The following CATSPERE variants were observed in gnomAD, a reference collection of about 807,000 sequenced individuals.
CATSPERE encodes the protein cation channel sperm-associated auxiliary subunit epsilon.
In CATSPERE, 93 loss-of-function variants were observed where a neutral mutation model predicts 114.1. That is an observed-to-expected ratio of 0.81 (90% CI 0.69 to 0.97). The LOEUF (loss-of-function observed/expected upper bound fraction) is 0.97, where lower values mean the gene tolerates loss of function less well. Among genes scored for constraint, CATSPERE ranks in the 50% least tolerant of loss-of-function variants. CATSPERE has a pLI of 0.00. For synonymous variants in CATSPERE, 341 were observed against 384.1 expected (o/e 0.89, Z 1.31); for missense variants, 1,058 against 1,131.6 (o/e 0.93, Z 0.93).
At chr1:244,462,218 CAG>C (rs922565543) in intron 1 of CATSPERE, among the ~76,000 whole-genome samples, 1 of 152,176 alleles carries the variant, frequency 6.6e-6, no homozygotes, top group Non-Finnish European at 1.5e-5. Context: ...TGAGATATAA[CAG>C]TGCCCTTTTC....
At chr1:244,518,518 A>G (rs1196908312) in intron 7 of CATSPERE, 74 bp from the exon 8 acceptor site, 30 of 908,866 alleles carry the variant, frequency 3.3e-5, no homozygotes, top group Middle Eastern at 2.9e-4. Context: ...AACAAATTCA[A>G]TATATCCTGA....
Position 244,574,246 on chromosome 1 carries a change from G to A in CATSPERE, c.1950+1474G>A, listed in dbSNP as rs148517916. Among the ~76,000 whole-genome samples, 10 of 152,238 alleles carry A rather than the reference G, an allele frequency of 6.6e-5. No individual in the cohort carries two copies. The East Asian group carries it at 1.7e-3, about 26-fold the overall frequency. On this transcript the variant is annotated intron_variant, in intron 11 of 21. Transcript: ENST00000366534. The stretch of plus-strand genomic sequence containing the variant: ...TAAATAATAAAGGGGCATAGACTGC[G>A]AACTGGAACATGCCTGTGAGCACGT...
At chr1:244,480,378 G>A (rs1030005713) in intron 5 of CATSPERE, among the ~76,000 whole-genome samples, 6 of 152,128 alleles carry the variant, frequency 3.9e-5, no homozygotes, top group Admixed American at 3.3e-4. Context: ...GCACCGTGTA[G>A]GACATAAGGA....
chr1:244,629,225 A>G (rs1384662861), intron 20 of CATSPERE, among the ~76,000 whole-genome samples: 1 of 152,168 alleles, frequency 6.6e-6, no homozygotes, highest in East Asian at 1.9e-4. Flanking sequence ...TAGATCTGTT[A>G]GGTCATAAGA....
Position 244,584,489 on chromosome 1 carries a change from A to G in CATSPERE, c.2085+550A>G, listed in dbSNP as rs75407388. 9.7e-3 allele frequency among the ~76,000 whole-genome samples: 1,466 copies of G among 151,054 alleles called. 25 individuals carry two copies. The highest frequency in any genetic ancestry group is 0.035 in the African/African-American group (1,408 of 40,404). On this transcript the variant is annotated intron_variant, in intron 13 of 21. Coordinates refer to ENST00000366534, the MANE Select transcript of CATSPERE (RefSeq NM_001130957.2). ...ACATTCCAGGAAAAGGCATGGAGGG[A>G]TGAAATAGTATCAGGGTGTTCAGGT... is the stretch of plus-strand genomic sequence containing the variant.
At chr1:244,451,745 G>A (rs1665619051), upstream of CATSPERE, 1 of 1,604,290 alleles carries the variant, frequency 6.2e-7, no homozygotes, top group Non-Finnish European at 8.5e-7. This position sits in a 1 kb window ranked among gnomAD's most constrained non-coding sequence, Gnocchi z 6.6. Context: ...TTTCCTCCGG[G>A]CCGCGCCCTG....
chr1:244,494,602 TAAA>T (rs373526420), intron 6 of CATSPERE, among the ~76,000 whole-genome samples: 5 of 140,224 alleles, frequency 3.6e-5, no homozygotes, highest in African/African-American at 1.3e-4. Context: ...TAAAGTATAA[TAAA>T]AAAAAAAAGT....
At chr1:244,494,511 G>T (rs1489668612) in intron 6 of CATSPERE, among the ~76,000 whole-genome samples, 5 of 149,640 alleles carry the variant, frequency 3.3e-5, no homozygotes, top group African/African-American at 7.4e-5. Context: ...TAAATGACGA[G>T]TTAATGGGTG....
At chr1:244,550,094 GGACTGAGACTGA>G (rs1322595547) in intron 8 of CATSPERE, among the ~76,000 whole-genome samples, 1 of 152,162 alleles carries the variant, frequency 6.6e-6, no homozygotes, top group African/African-American at 2.4e-5. Context: ...TGGGGTCTCT[GGACTGAGACTGA>G]GACTTACTCT....
At chr1:244,454,279 G>A (rs1006801623), upstream of CATSPERE, 7 of 152,194 alleles carry the variant, frequency 4.6e-5, no homozygotes, top group African/African-American at 1.7e-4. Context: ...CACCTGGAGT[G>A]GATCAAAGAC....
In CATSPERE at chr1:244,573,393, A is replaced by G. The variant is rs1008953196; in HGVS notation, c.1950+621A>G. ...ACCACTGCACTCCAGCCTGGGTGAC[A>G]GAGTGAGACTCCCTCTCAAAAAACA... On this transcript the variant is annotated intron_variant, in intron 11 of 21. Transcript: ENST00000366534. The surrounding 1 kb of genome is among the most constrained non-coding windows in gnomAD (Gnocchi z 4.0). Among the ~76,000 whole-genome samples, 1 of 148,738 alleles carries G rather than the reference A, an allele frequency of 6.7e-6. No individual in the cohort carries two copies. Among genetic ancestry groups the G allele is most frequent in the Non-Finnish European group, 1.5e-5 (1 of 66,944 alleles).
At chr1:244,488,063 C>A (rs1671374092) in intron 5 of CATSPERE, among the ~76,000 whole-genome samples, 1 of 152,088 alleles carries the variant, frequency 6.6e-6, no homozygotes. Context: ...TTTCTTCTTT[C>A]TCTGTCTCTC....
Position 244,515,454 on chromosome 1 carries a change from G to A in CATSPERE, c.430-3138G>A, listed in dbSNP as rs745365477. 5 of 286,958 alleles carry A rather than the reference G, an allele frequency of 1.7e-5. No individual in the cohort carries two copies. In the East Asian group the frequency reaches 5.3e-4, roughly 30 times the overall value. The allele number at this position is 286,958 out of a possible 1,614,324, so 17.8% of individuals were successfully genotyped here. On this transcript the variant is annotated intron_variant, in intron 7 of 21. Transcript: ENST00000366534. ...TGCTTCTCAGACAACTGGAAGTCACGATTAATAATCTAATTAGATCCTCAG... is the reference window on the plus strand; with the variant it reads ...TGCTTCTCAGACAACTGGAAGTCACAATTAATAATCTAATTAGATCCTCAG...
rs1195523775 is a variant in CATSPERE, at chr1:244,621,291, C to A, written c.2648+3605C>A. 2.2e-4 allele frequency among the ~76,000 whole-genome samples: 10 copies of A among 45,144 alleles called. 1 individual carries two copies. Among genetic ancestry groups the A allele is most frequent in the Non-Finnish European group, 4.5e-4 (10 of 22,016 alleles). The allele number at this position is 45,144 out of a possible 152,430, so 29.6% of individuals were successfully genotyped here. A position where few individuals can be genotyped will look rare whatever the true frequency, so the allele number is the denominator to read the frequency against. On this transcript the variant is annotated intron_variant, in intron 20 of 21. Coordinates refer to ENST00000366534, the MANE Select transcript of CATSPERE (RefSeq NM_001130957.2). ...TATAGATATATCTATATAGATATATCTATATAAATATATAAATATATAAAA... is the reference window on the plus strand; with the variant it reads ...TATAGATATATCTATATAGATATATATATATAAATATATAAATATATAAAA...
intron 2 of CATSPERE, among the ~76,000 whole-genome samples, chr1:244,477,064 C>T (rs750005779): frequency 1.1e-4 from 16 of 152,120 alleles, no homozygotes; most frequent in South Asian, 2.1e-4. Context: ...GACGTGATGT[C>T]GGCTCACTGC....
chr1:244,514,423 T>G (rs778533355), intron 7 of CATSPERE, among the ~76,000 whole-genome samples: 25 of 152,186 alleles, frequency 1.6e-4, no homozygotes, highest in Admixed American at 5.2e-4. Flanking sequence ...AGTGGTAACA[T>G]GACAGAGTTT....
chr1:244,485,453 T>C (rs1670843868), intron 5 of CATSPERE, among the ~76,000 whole-genome samples: 1 of 152,168 alleles, frequency 6.6e-6, no homozygotes, highest in Non-Finnish European at 1.5e-5. Context: ...AGTGCTGGGA[T>C]TACAGGCATG....
intron 20 of CATSPERE, among the ~76,000 whole-genome samples, chr1:244,631,753 A>T (rs906678186): frequency 6.6e-6 from 1 of 152,240 alleles, no homozygotes; most frequent in African/African-American, 2.4e-5. Context: ...ATAAGATACC[A>T]CTACACACTT....
chr1:244,615,520 G>C (rs1671265385), intron 19 of CATSPERE, among the ~76,000 whole-genome samples: 1 of 151,472 alleles, frequency 6.6e-6, no homozygotes, highest in African/African-American at 2.4e-5. Context: ...CGATATGATA[G>C]AGCCTATTGC....
Sources: allele counts gnomAD v4.1 joint callset (sites outside exome capture counted in the v4.1 genomes callset), GRCh38; gene constraint gnomAD v4.1.1; non-coding constraint Gnocchi (gnomAD v3.1); transcripts MANE v1.5; gene names NCBI Gene and HGNC (gene_info 2026-07-23, HGNC 2026-07-21).